Variants in TMTC2 observed in about 807,000 individuals in gnomAD.
TMTC2 encodes the protein transmembrane O-mannosyltransferase targeting cadherins 2.
TMTC2 carries 43 observed loss-of-function variants against 82.4 expected under a neutral mutation model. That is an observed-to-expected ratio of 0.52 (90% confidence interval 0.41 to 0.67). TMTC2 has a LOEUF of 0.67. TMTC2 is among the 30% of genes least tolerant of loss of function. The pLI is 0.00. For synonymous variants in TMTC2, 408 were observed against 381.9 expected (o/e 1.07, Z -0.80); for missense variants, 919 against 1,012.4 (o/e 0.91, Z 1.25).
At chr12:82,949,702 A>G (rs961324068) in intron 4 of TMTC2, among the ~76,000 whole-genome samples, 1 of 152,176 alleles carries the variant, frequency 6.6e-6, no homozygotes, top group Admixed American at 6.5e-5. Context: ...ATGTCTAGAA[A>G]TTTGATATAA....
intron 1 of TMTC2, among the ~76,000 whole-genome samples, chr12:82,757,945 A>G (rs1299296412): frequency 6.6e-6 from 1 of 152,170 alleles, no homozygotes; most frequent in African/African-American, 2.4e-5. Context: ...TGAAATATCA[A>G]AGGATTACGT....
rs1160801980 is a variant in TMTC2 at position 83,104,518 on chromosome 12, G to A, written c.2332-27692G>A. 2.0e-5 allele frequency among the ~76,000 whole-genome samples: 3 copies of A among 152,188 alleles called. No homozygotes were observed. The South Asian group carries it at 6.2e-4, about 31-fold the overall frequency. On this transcript the variant is annotated intron_variant, in intron 11 of 11. Transcript: ENST00000321196. ...TGGAAGCTGCCAAAACTTACAGCTT[G>A]CATTTGCCAAAGTAGCAGCTTAAGC...
At chr12:83,016,148 A>T (rs1408715194) in intron 8 of TMTC2, among the ~76,000 whole-genome samples, 2 of 152,226 alleles carry the variant, frequency 1.3e-5, no homozygotes, top group Non-Finnish European at 2.9e-5. Context: ...TGGTCAAAAA[A>T]TGTGTTTTGA....
At chr12:83,006,781 A>G in intron 8 of TMTC2, among the ~76,000 whole-genome samples, 1 of 152,224 alleles carries the variant, frequency 6.6e-6, no homozygotes. Flanking sequence ...CCATAAAAAG[A>G]TGAGTTCATG....
rs79180737 is a variant in TMTC2 at position 82,999,371 on chromosome 12, C to A, written c.2070+13325C>A. ...TCATGATATCAAGGATATCTATTAG[C>A]GATGTGACTTATCATTGTTTATGCT... On this transcript the variant is annotated intron_variant, in intron 8 of 11. Transcript: ENST00000321196. 2.0e-5 allele frequency among the ~76,000 whole-genome samples: 3 copies of A among 152,264 alleles called. No homozygotes were observed. In the South Asian group the frequency reaches 6.2e-4, roughly 32 times the overall value.
chr12:83,100,346 C>A (rs1297280392), intron 11 of TMTC2, among the ~76,000 whole-genome samples: 1 of 152,024 alleles, frequency 6.6e-6, no homozygotes. Context: ...GGTTGGGCCA[C>A]TATTTTCACA....
At chr12:82,715,071 A>G (rs1645871220) in intron 1 of TMTC2, among the ~76,000 whole-genome samples, 1 of 152,108 alleles carries the variant, frequency 6.6e-6, no homozygotes, top group Non-Finnish European at 1.5e-5. Flanking sequence ...GGAGTTCGAG[A>G]CCAGGCTGGC....
At chr12:82,851,090 G>T (rs1175416679) in intron 1 of TMTC2, among the ~76,000 whole-genome samples, 1 of 151,446 alleles carries the variant, frequency 6.6e-6, no homozygotes, top group Admixed American at 6.6e-5. Flanking sequence ...CATTGTGTTT[G>T]CATTGATGGC....
intron 1 of TMTC2, among the ~76,000 whole-genome samples, chr12:82,776,974 C>A (rs1452020443): frequency 6.6e-6 from 1 of 152,152 alleles, no homozygotes; most frequent in Non-Finnish European, 1.5e-5. Context: ...GTACCTTAAA[C>A]TGCCCTGAAA....
At chr12:82,966,061 T>C in intron 6 of TMTC2, 1 of 323,012 alleles carries the variant, frequency 3.1e-6, no homozygotes. Context: ...TTCTCGAGCT[T>C]CTTTGCTCAC....
chr12:82,918,827 G>A (rs1031881220), intron 3 of TMTC2, among the ~76,000 whole-genome samples: 3 of 150,032 alleles, frequency 2.0e-5, no homozygotes, highest in South Asian at 2.1e-4. Flanking sequence ...GTGCGATCTC[G>A]GCTCACTGCA....
chr12:83,107,316 A>G (rs1884440629), intron 11 of TMTC2, among the ~76,000 whole-genome samples: 1 of 152,222 alleles, frequency 6.6e-6, no homozygotes, highest in African/African-American at 2.4e-5. Flanking sequence ...TAAAGAAAAG[A>G]GATTTATTTC....
At chr12:83,038,453 A>G (rs2137435461) in intron 9 of TMTC2, among the ~76,000 whole-genome samples, 1 of 152,268 alleles carries the variant, frequency 6.6e-6, no homozygotes, top group Non-Finnish European at 1.5e-5. Context: ...AAGTTTTTTT[A>G]ATGTTTAAGA....
intron 2 of TMTC2, among the ~76,000 whole-genome samples, chr12:82,882,688 T>C (rs1432331859): frequency 2.6e-5 from 4 of 152,036 alleles, no homozygotes; most frequent in Non-Finnish European, 5.9e-5. Flanking sequence ...TGCTGAATAG[T>C]TTAAAATCAC....
intron 10 of TMTC2, among the ~76,000 whole-genome samples, chr12:83,055,760 G>C (rs115312021): frequency 6.6e-6 from 1 of 151,534 alleles, no homozygotes. Flanking sequence ...TCTACTTACA[G>C]GGTAAGGGAT....
At chr12:82,814,368 G>A (rs1268223914) in intron 1 of TMTC2, among the ~76,000 whole-genome samples, 1 of 152,084 alleles carries the variant, frequency 6.6e-6, no homozygotes, top group Non-Finnish European at 1.5e-5. Context: ...AAGCTCCATG[G>A]GAGAATACTA....
intron 1 of TMTC2, among the ~76,000 whole-genome samples, chr12:82,821,160 A>G (rs1206470861): frequency 6.6e-6 from 1 of 152,148 alleles, no homozygotes; most frequent in Non-Finnish European, 1.5e-5. Flanking sequence ...TGCCTGGCCA[A>G]TTCTAGGTTT....
chr12:83,113,482 C>T (rs568972839), intron 11 of TMTC2, among the ~76,000 whole-genome samples: 16 of 152,180 alleles, frequency 1.1e-4, no homozygotes, highest in East Asian at 3.9e-4. Context: ...ATCTTGAGGG[C>T]GATAAGTGAA....
chr12:83,059,724 AT>A (rs1257138483), intron 10 of TMTC2, among the ~76,000 whole-genome samples: 13 of 151,790 alleles, frequency 8.6e-5, no homozygotes, highest in Admixed American at 2.0e-4. Flanking sequence ...CCTTTTAAAA[AT>A]TAAGTTTATT....
Sources: allele counts gnomAD v4.1 joint callset (sites outside exome capture counted in the v4.1 genomes callset), GRCh38; gene constraint gnomAD v4.1.1; transcripts MANE v1.5; gene names NCBI Gene and HGNC (gene_info 2026-07-23, HGNC 2026-07-21).